FIP1L1: variants seen among roughly 807,000 people sequenced by gnomAD.
FIP1L1 encodes the protein pre-mRNA 3'-end-processing factor FIP1.
FIP1L1 carries 21 observed loss-of-function variants against 84.6 expected under a neutral mutation model. That is an observed-to-expected ratio of 0.25 (90% confidence interval 0.18 to 0.36). The LOEUF is 0.36. FIP1L1 is among the 10% of genes least tolerant of loss of function. The pLI is 1.00. For missense variants in FIP1L1, 526 were observed against 751.1 expected (o/e 0.70, Z 3.50); for synonymous variants, 263 against 242.3 (o/e 1.09, Z -0.80).
intron 11 of FIP1L1, 86 bp from the exon 12 acceptor site, chr4:53,425,786 C>T (rs1764089063): frequency 4.4e-6 from 4 of 908,350 alleles, no homozygotes; most frequent in Non-Finnish European, 6.8e-6. Flanking sequence ...ATTGCAAACA[C>T]ATTTTGTTTT....
At chr4:53,419,211 G>A (rs1394127369) in intron 11 of FIP1L1, among the ~76,000 whole-genome samples, 1 of 151,996 alleles carries the variant, frequency 6.6e-6, no homozygotes, top group Non-Finnish European at 1.5e-5. Context: ...TGAAATTTGG[G>A]CTTATTTCAC....
chr4:53,390,128 C>T (rs941623605), intron 6 of FIP1L1, among the ~76,000 whole-genome samples: 1 of 152,014 alleles, frequency 6.6e-6, no homozygotes, highest in African/African-American at 2.4e-5. Context: ...TATGTAGAGA[C>T]CAGGTCTCAC....
intron 10 of FIP1L1, among the ~76,000 whole-genome samples, chr4:53,409,264 A>G (rs1278209375): frequency 6.6e-6 from 1 of 152,226 alleles, no homozygotes; most frequent in African/African-American, 2.4e-5. Flanking sequence ...GGTCTACTCC[A>G]GATCCTGTTT....
intron 10 of FIP1L1, among the ~76,000 whole-genome samples, chr4:53,403,498 A>T (rs1305155901): frequency 6.6e-6 from 1 of 152,202 alleles, no homozygotes; most frequent in South Asian, 2.1e-4. Flanking sequence ...GCCAATGAGA[A>T]ATAAGTTTCT....
chr4:53,421,186 A>G (rs1762264061), intron 11 of FIP1L1, among the ~76,000 whole-genome samples: 1 of 152,190 alleles, frequency 6.6e-6, no homozygotes, highest in Admixed American at 6.5e-5. Flanking sequence ...GTAAAATGAT[A>G]GATGTAGTTA....
chr4:53,434,947 CTAGTT>C (rs1282789808), intron 13 of FIP1L1, among the ~76,000 whole-genome samples: 3 of 152,102 alleles, frequency 2.0e-5, no homozygotes, highest in African/African-American at 7.2e-5. Flanking sequence ...AATTGAGAAA[CTAGTT>C]TATGACTATA....
rs770400093 is a variant in FIP1L1 at position 53,414,610 on chromosome 4, A to T, written c.816-5A>T. The T allele has an allele frequency of 5.6e-6, 9 of 1,604,644 alleles. No individual in the cohort carries two copies. The highest frequency in any genetic ancestry group is 7.7e-6 in the Non-Finnish European group (9 of 1,172,748). On this transcript the variant is annotated splice_region_variant and splice_polypyrimidine_tract_variant and intron_variant, in intron 10 of 17. Coordinates refer to ENST00000337488, the MANE Select transcript of FIP1L1 (RefSeq NM_030917.4). Reference sequence around the variant, plus strand: ...AGAAAAAACATAGAAAATTTATCTCACCAGAAACAGCACTTCTTCTCAGTC... The same window carrying T: ...AGAAAAAACATAGAAAATTTATCTCTCCAGAAACAGCACTTCTTCTCAGTC...
intron 11 of FIP1L1, among the ~76,000 whole-genome samples, chr4:53,424,023 A>G (rs914545786): frequency 6.6e-6 from 1 of 152,160 alleles, no homozygotes; most frequent in Non-Finnish European, 1.5e-5. Context: ...ACTTTTAACA[A>G]TTTGGAGAAT....
intron 13 of FIP1L1, chr4:53,440,786 T>C: frequency 5.2e-6 from 3 of 575,590 alleles, no homozygotes; most frequent in Non-Finnish European, 9.4e-6. Context: ...TATTTAGTTT[T>C]CTTATACCTG....
At chr4:53,455,363 C>G (rs1023391483) in intron 16 of FIP1L1, among the ~76,000 whole-genome samples, 5 of 152,148 alleles carry the variant, frequency 3.3e-5, no homozygotes, top group African/African-American at 1.2e-4. Context: ...CCTCTTCAAG[C>G]TTCCTCATTT....
At chr4:53,422,470 T>C (rs1221114980) in intron 11 of FIP1L1, among the ~76,000 whole-genome samples, 5 of 151,970 alleles carry the variant, frequency 3.3e-5, no homozygotes, top group Non-Finnish European at 7.4e-5. Flanking sequence ...ATTTGTAAAA[T>C]GACAATAATG....
chr4:53,404,957 T>C (rs1365430845), intron 10 of FIP1L1, among the ~76,000 whole-genome samples: 1 of 151,672 alleles, frequency 6.6e-6, no homozygotes, highest in Admixed American at 6.6e-5. Flanking sequence ...ATTTTGTAGG[T>C]TGCCTGTTCA....
chr4:53,385,235 G>A (rs1740290509), intron 5 of FIP1L1, among the ~76,000 whole-genome samples: 1 of 152,048 alleles, frequency 6.6e-6, no homozygotes, highest in Non-Finnish European at 1.5e-5. Context: ...ATAATTGCAT[G>A]TTCATTAAAT....
chr4:53,444,456 C>T (rs753288598), intron 15 of FIP1L1, among the ~76,000 whole-genome samples: 8 of 152,148 alleles, frequency 5.3e-5, no homozygotes, highest in Admixed American at 2.6e-4. Flanking sequence ...CTTTCTCCCT[C>T]GCTGGTTTAT....
At chr4:53,391,267 C>G (rs1389784694) in intron 8 of FIP1L1, 128 bp downstream of exon 8, 32 of 1,254,138 alleles carry the variant, frequency 2.6e-5, no homozygotes, top group Non-Finnish European at 3.3e-5. Context: ...TTTTGTTTAC[C>G]ATGTTTGTTT....
At chr4:53,436,393 G>A (rs1769216517) in intron 13 of FIP1L1, among the ~76,000 whole-genome samples, 1 of 152,144 alleles carries the variant, frequency 6.6e-6, no homozygotes, top group Non-Finnish European at 1.5e-5. Flanking sequence ...CTGTTGCATT[G>A]ACAGGGCTTC....
chr4:53,458,684 G>A lies in FIP1L1; in HGVS notation c.1531G>A (p.Ala511Thr). Residue 511 changes from alanine (A) to threonine (T), a missense_variant, in exon 17 of 18, where the codon GCA becomes ACA. Transcript: ENST00000337488. ...AGAACGATACAGATACAGGGAATATGCAGAAAGAGGTTATGAGCGTCACAG... is the reference window on the plus strand; with the variant it reads ...AGAACGATACAGATACAGGGAATATACAGAAAGAGGTTATGAGCGTCACAG... ...DEERYRYREY[A>T]ERGYERHRAS... 6.2e-7 allele frequency: 1 copy of A among 1,613,054 alleles called. No homozygotes were observed. Among genetic ancestry groups the A allele is most frequent in the Non-Finnish European group, 8.5e-7 (1 of 1,179,344 alleles).
At chr4:53,395,419 G>T (rs980613099) in intron 9 of FIP1L1, among the ~76,000 whole-genome samples, 8 of 151,958 alleles carry the variant, frequency 5.3e-5, no homozygotes, top group Non-Finnish European at 1.2e-4. Context: ...ATCCTTCCCG[G>T]TTCCTCCTTC....
intron 11 of FIP1L1, among the ~76,000 whole-genome samples, chr4:53,418,517 C>A (rs1018348548): frequency 1.6e-4 from 25 of 152,078 alleles, no homozygotes; most frequent in African/African-American, 5.1e-4. Context: ...ATTTTTAACT[C>A]TTGTGAAACT....
Sources: gnomAD v4.1 joint callset for allele counts (sites outside exome capture counted in the v4.1 genomes callset) on GRCh38, gnomAD v4.1.1 for gene constraint, MANE v1.5 for transcripts, NCBI Gene and HGNC (gene_info 2026-07-23, HGNC 2026-07-21) for gene names.